RAPGEF2: variants seen among roughly 807,000 people sequenced by gnomAD.
RAPGEF2 encodes PDZ domain containing guanine nucleotide exchange factor (GEF) 1.
A neutral mutation model predicts 186.7 loss-of-function variants in RAPGEF2; 54 were observed. The observed-to-expected ratio is 0.29, with a 90% confidence interval of 0.23 to 0.36. The LOEUF (loss-of-function observed/expected upper bound fraction) is 0.36, where lower values mean the gene tolerates loss of function less well. Among genes scored for constraint, RAPGEF2 ranks in the 10% least tolerant of loss-of-function variants. RAPGEF2 has a pLI of 1.00. For missense variants in RAPGEF2, 1,532 were observed against 2,045.0 expected, an observed-to-expected ratio of 0.75 and a Z score of 4.84; for synonymous variants, 712 against 705.9, an observed-to-expected ratio of 1.01 and a Z score of -0.14.
intron 1 of RAPGEF2, among the ~76,000 whole-genome samples, chr4:159,161,629 G>C (rs1036590231): frequency 1.6e-4 from 24 of 152,248 alleles, no homozygotes; most frequent in African/African-American, 5.8e-4. Context: ...GATTGAGCCT[G>C]TGAGCCCAAG....
intron 4 of RAPGEF2, among the ~76,000 whole-genome samples, chr4:159,230,801 CA>C (rs1561115551): frequency 6.6e-6 from 1 of 152,100 alleles, no homozygotes; most frequent in Admixed American, 6.6e-5. Context: ...CTCAACTTGT[CA>C]TTGGGTTATA....
chr4:159,313,404 A>G (rs994628003), intron 8 of RAPGEF2, among the ~76,000 whole-genome samples: 2 of 152,268 alleles, frequency 1.3e-5, no homozygotes, highest in Non-Finnish European at 1.5e-5. Flanking sequence ...AATAAAAGTT[A>G]ATAATGGCTT....
intron 1 of RAPGEF2, among the ~76,000 whole-genome samples, chr4:159,171,577 C>A (rs1745907627): frequency 6.6e-6 from 1 of 152,058 alleles, no homozygotes; most frequent in Non-Finnish European, 1.5e-5. Context: ...CTGTTCTGTC[C>A]ACAACATCTT....
At chr4:159,191,093 C>T (rs1175658005) in intron 2 of RAPGEF2, among the ~76,000 whole-genome samples, 1 of 151,926 alleles carries the variant, frequency 6.6e-6, no homozygotes, top group African/African-American at 2.4e-5. Flanking sequence ...AAATCATGAA[C>T]TGGGTGAGAT....
At chr4:159,174,157 A>C (rs916391872) in intron 1 of RAPGEF2, among the ~76,000 whole-genome samples, 3 of 152,242 alleles carry the variant, frequency 2.0e-5, no homozygotes, top group African/African-American at 7.2e-5. Flanking sequence ...GTAACTTAAC[A>C]AGTGAAACTT....
chr4:159,203,225 A>G (rs1205698913), intron 3 of RAPGEF2, among the ~76,000 whole-genome samples: 1 of 152,030 alleles, frequency 6.6e-6, no homozygotes, highest in Non-Finnish European at 1.5e-5. Context: ...CCATTTTTCC[A>G]TTTACTGGTA....
At chr4:159,347,109 T>C in intron 25 of RAPGEF2, 111 bp downstream of exon 25, 1 of 1,034,276 alleles carries the variant, frequency 9.7e-7, no homozygotes, top group South Asian at 1.7e-5. Flanking sequence ...TGAGTTTCTC[T>C]GTAATTATTA....
chr4:159,329,418 C>CT (rs1290844377), intron 11 of RAPGEF2: 1 of 152,434 alleles, frequency 6.6e-6, no homozygotes, highest in African/African-American at 2.4e-5. Context: ...CCATAGGTAT[C>CT]TTTGAGTGTC....
chr4:159,117,294 A>G (rs1023437377), intron 1 of RAPGEF2, among the ~76,000 whole-genome samples: 2 of 152,210 alleles, frequency 1.3e-5, no homozygotes, highest in South Asian at 2.1e-4. Context: ...CTTTAGGGCA[A>G]ACATTTTCTG....
chr4:159,328,091 T>C (rs1766182966), intron 11 of RAPGEF2: 1 of 152,176 alleles, frequency 6.6e-6, no homozygotes, highest in African/African-American at 2.4e-5. Context: ...AAAATGAGTA[T>C]TTAATTATGT....
At chr4:159,172,589 TG>T (rs1248698808) in intron 1 of RAPGEF2, among the ~76,000 whole-genome samples, 1 of 152,178 alleles carries the variant, frequency 6.6e-6, no homozygotes, top group East Asian at 1.9e-4. Context: ...TTTATGAATG[TG>T]ATGGAGTCTG....
intron 7 of RAPGEF2, among the ~76,000 whole-genome samples, chr4:159,264,027 A>T (rs1757169070): frequency 6.6e-6 from 1 of 152,174 alleles, no homozygotes; most frequent in Non-Finnish European, 1.5e-5. Context: ...TGGTTAAGGA[A>T]TGGGGTAAAT....
In RAPGEF2 at chr4:159,278,026, A is replaced by G. The variant is rs376950333; in HGVS notation, c.544-26316A>G. On this transcript the variant is annotated intron_variant, in intron 7 of 29. Transcript: ENST00000691494. ...AGTCATGAAGTCCTTGCCGATGCCT[A>G]TGTCCTGAATGGTATTGCCTAGGTT... Among the ~76,000 whole-genome samples, 16 of 152,300 alleles carry G rather than the reference A, an allele frequency of 1.1e-4. No individual in the cohort carries two copies. In the East Asian group the frequency reaches 1.5e-3, roughly 15 times the overall value.
chr4:159,241,052 A>G, intron 5 of RAPGEF2, 149 bp from the exon 6 acceptor site: 1 of 594,056 alleles, frequency 1.7e-6, no homozygotes, highest in Non-Finnish European at 2.7e-6. Flanking sequence ...AGAGAAGTTC[A>G]GAGACACTTG....
At chr4:159,325,569 T>G (rs1304011605) in intron 11 of RAPGEF2, among the ~76,000 whole-genome samples, 1 of 151,704 alleles carries the variant, frequency 6.6e-6, no homozygotes, top group Admixed American at 6.6e-5. Context: ...TGAGTTAGAG[T>G]GTGTGTCCTT....
At chr4:159,254,600 CTTTTTTTTT>C (rs34644510) in intron 7 of RAPGEF2, among the ~76,000 whole-genome samples, 36 of 124,562 alleles carry the variant, frequency 2.9e-4, no homozygotes, top group African/African-American at 9.9e-4. Flanking sequence ...TACAGCATGA[CTTTTTTTTT>C]TTTTTTTTTT....
intron 7 of RAPGEF2, 39 bp downstream of exon 7, chr4:159,243,830 A>G (rs1176671360): frequency 3.2e-6 from 4 of 1,237,266 alleles, no homozygotes; most frequent in Admixed American, 4.6e-5. Context: ...CACTAACCTA[A>G]GTTTACGTGT....
intron 8 of RAPGEF2, among the ~76,000 whole-genome samples, chr4:159,310,719 G>GA (rs1258973049): frequency 6.6e-6 from 1 of 152,010 alleles, no homozygotes; most frequent in Non-Finnish European, 1.5e-5. Context: ...TTTAAGACAG[G>GA]AGTTATTTGG....
chr4:159,249,639 T>C (rs1258048958), intron 7 of RAPGEF2, among the ~76,000 whole-genome samples: 1 of 152,140 alleles, frequency 6.6e-6, no homozygotes, highest in East Asian at 1.9e-4. Context: ...TATATAAAAT[T>C]TCCCCCTTAT....
Sources: gnomAD v4.1 joint callset for allele counts (sites outside exome capture counted in the v4.1 genomes callset) on GRCh38, gnomAD v4.1.1 for gene constraint, MANE v1.5 for transcripts, NCBI Gene and HGNC (gene_info 2026-07-23, HGNC 2026-07-21) for gene names.